Variants in SEMA3G observed in about 807,000 individuals in gnomAD.
The protein encoded by SEMA3G is semaphorin 3G, also known as semaphorin-3G.
In SEMA3G, 70 loss-of-function variants were observed where a neutral mutation model predicts 86.2. The ratio of observed to expected loss-of-function variants is 0.81; its 90% confidence interval spans 0.67 to 0.99. The LOEUF (loss-of-function observed/expected upper bound fraction) is 0.99. Among genes scored for constraint, SEMA3G ranks in the 50% least tolerant of loss-of-function variants. The pLI is 0.00. For missense variants in SEMA3G, 1,002 were observed against 1,072.4 expected (o/e 0.93, Z 0.92); for synonymous variants, 416 against 441.4 (o/e 0.94, Z 0.72).
rs1385266032 is a variant in SEMA3G at position 52,440,401 on chromosome 3, C to T, written c.1119G>A (p.Lys373=). The T allele has an allele frequency of 6.2e-7, 1 of 1,609,148 alleles. No individual in the cohort carries two copies. The highest frequency in any genetic ancestry group is 8.5e-7 in the Non-Finnish European group (1 of 1,178,610). ...PQHQWGPYGG[K]VPFPRPGVCP... ...CCACGCCAGGGCGAGGGAAGGGCAC[C>T]TTGCCCCCATAGGGCCCCCACTGGT... Residue 373 remains lysine (K), a synonymous_variant, in exon 10 of 16, where the codon AAG becomes AAA. Transcript: ENST00000231721.
chr3:52,436,932 C>A (rs1274869971), intron 15 of SEMA3G, among the ~76,000 whole-genome samples: 1 of 152,224 alleles, frequency 6.6e-6, no homozygotes, highest in African/African-American at 2.4e-5. Context: ...CCCTTCCCTG[C>A]CCCGGCCAAT....
In SEMA3G at chr3:52,440,534, A is replaced by G. The variant is rs369913786; in HGVS notation, c.999-13T>C. On this transcript the variant is annotated splice_polypyrimidine_tract_variant and intron_variant, in intron 9 of 15. Transcript: ENST00000231721. ...CTGGAACACGGCACTGCCGGGGCAC[A>G]TGGGACAGTCAGGCCAGAGTGGCCA... 1.2e-6 allele frequency: 2 copies of G among 1,604,798 alleles called. No homozygotes were observed. The highest frequency in any genetic ancestry group is 1.3e-5 in the African/African-American group (1 of 74,702).
At chr3:52,441,795 C>A in intron 5 of SEMA3G, 24 bp downstream of exon 5, 1 of 1,604,730 alleles carries the variant, frequency 6.2e-7, no homozygotes, top group Non-Finnish European at 8.5e-7. Flanking sequence ...TCCCTGTTCT[C>A]ACCCTGGCCT....
chr3:52,436,079 A>G lies in SEMA3G; in HGVS notation c.1879-6T>C. ...ACTCGCTCGTCCGTCTTCACCTGCCATGCGGGCGGGAGGGCGTGAGTAGGG... is the reference window on the plus strand; with the variant it reads ...ACTCGCTCGTCCGTCTTCACCTGCCGTGCGGGCGGGAGGGCGTGAGTAGGG... On this transcript the variant is annotated splice_polypyrimidine_tract_variant and splice_region_variant and intron_variant, in intron 15 of 15. Transcript: ENST00000231721. 1.2e-6 allele frequency: 2 copies of G among 1,602,510 alleles called. No individual in the cohort carries two copies. The highest frequency in any genetic ancestry group is 1.1e-5 in the South Asian group (1 of 90,162).
In SEMA3G at chr3:52,437,475, G is replaced by A; in HGVS notation, c.1878+52C>T. The A allele has an allele frequency of 1.9e-6, 3 of 1,555,104 alleles. No homozygotes were observed. In the South Asian group the frequency reaches 3.5e-5, roughly 18 times the overall value. ...GGCTCAGGTCTTGGGGTTCAGGATG[G>A]GAGGTGACCTCAGGACACACAGAGG... On this transcript the variant is annotated intron_variant, in intron 15 of 15. Transcript: ENST00000231721.
At chr3:52,436,510 C>A (rs1166785207) in intron 15 of SEMA3G, among the ~76,000 whole-genome samples, 1 of 152,264 alleles carries the variant, frequency 6.6e-6, no homozygotes, top group Non-Finnish European at 1.5e-5. Flanking sequence ...ATGCTACACA[C>A]ATACAATGTG....
rs760432486 is a variant in SEMA3G at position 52,440,391 on chromosome 3, G to T, written c.1129C>A (p.Pro377Thr). ...CAGATACTCACCACGCCAGGGCGAG[G>T]GAAGGGCACCTTGCCCCCATAGGGC... ...WGPYGGKVPF[P>T]RPGVCPSKMT... Residue 377 changes from proline (P) to threonine (T), a missense_variant, in exon 10 of 16, where the codon CCT (proline) becomes ACT (threonine). Pro to Thr is a conservative substitution (Grantham distance 38). Transcript: ENST00000231721. 3.1e-6 allele frequency: 5 copies of T among 1,606,682 alleles called. No homozygotes were observed. The highest frequency in any genetic ancestry group is 3.4e-6 in the Non-Finnish European group (4 of 1,177,770).
At position 52,433,527 on chromosome 3, in the gene SEMA3G, G is replaced by A. The variant is rs1005856986; in HGVS notation, c.*2076C>T. The A allele has an allele frequency of 2.6e-5, 4 of 152,616 alleles. No individual in the cohort carries two copies. Among genetic ancestry groups the A allele is most frequent in the African/African-American group, 9.7e-5 (4 of 41,432 alleles). The allele number at this position is 152,616 out of a possible 1,614,324, so 9.5% of individuals were successfully genotyped here. A position where few individuals can be genotyped will look rare whatever the true frequency, so the allele number is the denominator to read the frequency against. On this transcript the variant is annotated 3_prime_UTR_variant, in exon 16 of 16. Coordinates refer to ENST00000231721, the MANE Select transcript of SEMA3G (RefSeq NM_020163.3). ...ACTCGCATTTACGGGGCGTTTCCAGGAGTTAATAGCATACAGTACCATGGG... is the reference window on the plus strand; with the variant it reads ...ACTCGCATTTACGGGGCGTTTCCAGAAGTTAATAGCATACAGTACCATGGG...
intron 10 of SEMA3G, 31 bp downstream of exon 10, chr3:52,440,346 C>T: frequency 6.4e-7 from 1 of 1,555,900 alleles, no homozygotes; most frequent in Non-Finnish European, 8.7e-7. Context: ...TCAGGCCTCG[C>T]TTCCCTGGCC....
intron 15 of SEMA3G, 32 bp downstream of exon 15, chr3:52,437,495 C>T (rs764312136): frequency 2.5e-6 from 4 of 1,593,690 alleles, no homozygotes; most frequent in African/African-American, 1.3e-5. Context: ...TCAGGACACA[C>T]AGAGGCTAGA....
rs1361078860 is a variant in SEMA3G at position 52,442,471 on chromosome 3, T to C, written c.339+88A>G. ...CAAGATCTGCTCCAAATGCCCCTGG[T>C]AGAGGTACCTGGGGCGTGGTCACGG... is the stretch of plus-strand genomic sequence containing the variant. On this transcript the variant is annotated intron_variant, in intron 3 of 15. Transcript: ENST00000231721. The surrounding 1 kb of genome is among the most constrained non-coding windows in gnomAD (Gnocchi z 6.1). 6.1e-6 allele frequency: 9 copies of C among 1,479,090 alleles called. No homozygotes were observed. The East Asian group carries it at 1.8e-4, about 30-fold the overall frequency. The allele number at this position is 1,479,090 out of a possible 1,614,324, so 91.6% of individuals were successfully genotyped here.
At position 52,435,277 on chromosome 3, in the gene SEMA3G, C is replaced by A; in HGVS notation, c.*326G>T. The stretch of plus-strand genomic sequence containing the variant: ...TGTTCTGTAGGCTGGGAAAGAACCA[C>A]CCAACCCTCTTGCCTCTGGGCACAC... On this transcript the variant is annotated 3_prime_UTR_variant, in exon 16 of 16. Transcript: ENST00000231721. 1 of 383,680 alleles carries A rather than the reference C, an allele frequency of 2.6e-6. No individual in the cohort carries two copies. The highest frequency in any genetic ancestry group is 4.8e-6 in the Non-Finnish European group (1 of 206,960). The allele number at this position is 383,680 out of a possible 1,614,324, so 23.8% of individuals were successfully genotyped here.
intron 10 of SEMA3G, 138 bp downstream of exon 10, chr3:52,440,239 A>AC (rs761830308): frequency 9.7e-5 from 51 of 525,264 alleles, no homozygotes; most frequent in Non-Finnish European, 1.4e-4. Context: ...ACCCCACCCC[A>AC]CCCAGGCCCT....
rs892146631 is a variant in SEMA3G, at chr3:52,442,040, C to G, written c.460-131G>C. ...CGGAAGGCGTCCTCATCCAGGGCCC[C>G]TCTAATGGGGTCAGCTCCCCAACAC... On this transcript the variant is annotated intron_variant, in intron 4 of 15. Transcript: ENST00000231721. This position sits in a 1 kb window ranked among gnomAD's most constrained non-coding sequence, Gnocchi z 6.1. 1 of 1,355,334 alleles carries G rather than the reference C, an allele frequency of 7.4e-7. No individual in the cohort carries two copies. Among genetic ancestry groups the G allele is most frequent in the African/African-American group, 1.4e-5 (1 of 69,162 alleles). 84.0% of individuals were successfully genotyped at this position (1,355,334 alleles called of 1,614,324 possible).
Position 52,439,773 on chromosome 3 carries a change from T to TG in SEMA3G, c.1376-3dup. 6.2e-7 allele frequency: 1 copy of TG among 1,612,942 alleles called. No homozygotes were observed. Among genetic ancestry groups the TG allele is most frequent in the Non-Finnish European group, 8.5e-7 (1 of 1,179,808 alleles). ...TGACTTTGAGCACAGACCCTGAGTC[T>TG]GGGGCCAGGGAGGAGGGGTCAGCGG... On this transcript the variant is annotated splice_region_variant and splice_polypyrimidine_tract_variant and intron_variant, in intron 11 of 15. Transcript: ENST00000231721.
At chr3:52,443,129 C>T in intron 1 of SEMA3G, 4 of 1,204,678 alleles carry the variant, frequency 3.3e-6, no homozygotes, top group Admixed American at 2.0e-5. Flanking sequence ...TACCCTGGGG[C>T]CTACCTCCCA....
chr3:52,435,636 G>A lies in SEMA3G; in HGVS notation c.2316C>T (p.His772=). The change falls in exon 16 of 16, where the codon CAC becomes CAT. Residue 772 remains histidine (H), a synonymous_variant. Coordinates refer to ENST00000231721, the MANE Select transcript of SEMA3G (RefSeq NM_020163.3). ...CCTCCACCTCCCGGGGCGTCCGATTGTGCTCGGCATGCACCCGGCTCTTCA... is the reference window on the plus strand; with the variant it reads ...CCTCCACCTCCCGGGGCGTCCGATTATGCTCGGCATGCACCCGGCTCTTCA... ...KKMKSRVHAE[H]NRTPREVEAT is the part of the protein sequence containing the mutation. 1.9e-6 allele frequency: 3 copies of A among 1,613,702 alleles called. No individual in the cohort carries two copies. Among genetic ancestry groups the A allele is most frequent in the Non-Finnish European group, 2.5e-6 (3 of 1,179,838 alleles).
rs1469536544 is a variant in SEMA3G, at chr3:52,439,067, C to A, written c.1468-106G>T. 4.8e-6 allele frequency: 6 copies of A among 1,241,694 alleles called. No homozygotes were observed. In the Admixed American group the frequency reaches 8.1e-5, roughly 17 times the overall value. The allele number at this position is 1,241,694 out of a possible 1,614,324, so 76.9% of individuals were successfully genotyped here. ...CCTGGGGTGGGAACCACCTAGCTCC[C>A]AGGCTGGGTCTTGCACTCCCTGGCA... On this transcript the variant is annotated intron_variant, in intron 12 of 15. Transcript: ENST00000231721.
chr3:52,444,987 C>A lies in SEMA3G; in HGVS notation c.41G>T (p.Gly14Val). 2 of 1,293,020 alleles carry A rather than the reference C, an allele frequency of 1.5e-6. No homozygotes were observed. The highest frequency in any genetic ancestry group is 2.0e-6 in the Non-Finnish European group (2 of 1,014,668). 80.1% of individuals were successfully genotyped at this position (1,293,020 alleles called of 1,614,324 possible). A position where few individuals can be genotyped will look rare whatever the true frequency, so the allele number is the denominator to read the frequency against. ...SAWAICWLLG[G>V]LLLHGGSSGP... ...AGAGCTACCCCCATGGAGCAGGAGG[C>A]CCCCTAGCAGCCAGCAAATGGCCCA... Residue 14 changes from glycine (G) to valine (V), a missense_variant, in exon 1 of 16, where the codon GGC (glycine) becomes GTC (valine). Coordinates refer to ENST00000231721, the MANE Select transcript of SEMA3G (RefSeq NM_020163.3).
Sources: allele counts gnomAD v4.1 joint callset (sites outside exome capture counted in the v4.1 genomes callset), GRCh38; gene constraint gnomAD v4.1.1; non-coding constraint Gnocchi (gnomAD v3.1); transcripts MANE v1.5; gene names NCBI Gene and HGNC (gene_info 2026-07-23, HGNC 2026-07-21).